CANT1: variants seen among roughly 807,000 people sequenced by gnomAD.
CANT1 encodes calcium activated nucleotidase 1.
Under a neutral mutation model 30.0 loss-of-function variants are expected in CANT1, and 26 were observed. The ratio of observed to expected loss-of-function variants is 0.87; its 90% CI spans 0.64 to 1.20. The LOEUF (loss-of-function observed/expected upper bound fraction) is 1.20, where lower values mean the gene tolerates loss of function less well. Ranked by LOEUF, CANT1 falls within the 50% of genes most tolerant of loss-of-function variation. The pLI is 0.00. For missense variants in CANT1, 518 were observed against 563.0 expected (o/e 0.92, Z 0.81); for synonymous variants, 246 against 251.8 (o/e 0.98, Z 0.22).
At chr17:78,994,563 C>T (rs1299041787) in intron 4 of CANT1, among the ~76,000 whole-genome samples, 1 of 152,228 alleles carries the variant, frequency 6.6e-6, no homozygotes. Flanking sequence ...CGCCAGAATC[C>T]ACTGGCCTGA....
At position 78,997,766 on chromosome 17, in the gene CANT1, G is replaced by T; in HGVS notation, c.-23+74C>A. 1 of 815,534 alleles carries T rather than the reference G, an allele frequency of 1.2e-6. No individual in the cohort carries two copies. The highest frequency in any genetic ancestry group is 1.8e-6 in the Non-Finnish European group (1 of 545,910). 50.5% of individuals were successfully genotyped at this position (815,534 alleles called of 1,614,324 possible). A position where few individuals can be genotyped will look rare whatever the true frequency, so the allele number is the denominator to read the frequency against. On this transcript the variant is annotated intron_variant, in intron 2 of 4. Coordinates refer to ENST00000392446, the MANE Select transcript of CANT1 (RefSeq NM_001159773.2). The surrounding 1 kb of genome is among the most constrained non-coding windows in gnomAD (Gnocchi z 7.5). The stretch of plus-strand genomic sequence containing the variant: ...AGAAGAAACAGTATTTCACTACTCT[G>T]TGGCCATTCTTACTCCCTTGGCTTA...
Position 78,995,358 on chromosome 17 carries a change from C to G in CANT1, c.632-137G>C. Reference sequence around the variant, plus strand: ...GGCTCCACACCTGCCTCCCCTCCGGCCCGCACCTGGCTCCCGCCCAGGGCC... The same window carrying G: ...GGCTCCACACCTGCCTCCCCTCCGGGCCGCACCTGGCTCCCGCCCAGGGCC... On this transcript the variant is annotated intron_variant, in intron 3 of 4. Coordinates refer to ENST00000392446, the MANE Select transcript of CANT1 (RefSeq NM_001159773.2). The surrounding 1 kb of genome is among the most constrained non-coding windows in gnomAD (Gnocchi z 5.7). 1.1e-6 allele frequency: 1 copy of G among 946,176 alleles called. No individual in the cohort carries two copies. Among genetic ancestry groups the G allele is most frequent in the South Asian group, 1.5e-5 (1 of 68,680 alleles). The allele number at this position is 946,176 out of a possible 1,614,324, so 58.6% of individuals were successfully genotyped here. A position where few individuals can be genotyped will look rare whatever the true frequency, so the allele number is the denominator to read the frequency against.
intron 1 of CANT1, among the ~76,000 whole-genome samples, chr17:79,005,176 G>C (rs2071494333): frequency 7.5e-6 from 1 of 132,730 alleles, no homozygotes; most frequent in Non-Finnish European, 1.6e-5. Flanking sequence ...AAGGAGAGGG[G>C]AGTTAGGGAA....
chr17:78,993,894 A>G lies in CANT1; in HGVS notation c.862T>C (p.Trp288Arg), dbSNP rs794727655. 1 of 1,591,042 alleles carries G rather than the reference A, an allele frequency of 6.3e-7. No individual in the cohort carries two copies. The highest frequency in any genetic ancestry group is 2.3e-5 in the East Asian group (1 of 44,088). ...AACCAGCGCTGCAGCGTGTCACTCC[A>G]GCAGGCAGACTCATGGATGAGGTAG... ...PGYLIHESAC[W>R]SDTLQRWFFL... Residue 288 changes from tryptophan (W) to arginine (R), a missense_variant, in exon 5 of 5, where the codon TGG (tryptophan) becomes CGG (arginine). Transcript: ENST00000392446. The surrounding 1 kb of genome is among the most constrained non-coding windows in gnomAD (Gnocchi z 4.5).
chr17:78,996,898 G>C lies in CANT1; in HGVS notation c.631+94C>G, dbSNP rs546140262. 2.6e-6 allele frequency: 4 copies of C among 1,532,464 alleles called. No homozygotes were observed. The highest frequency in any genetic ancestry group is 3.6e-6 in the Non-Finnish European group (4 of 1,116,770). The allele number at this position is 1,532,464 out of a possible 1,614,324, so 94.9% of individuals were successfully genotyped here. A position where few individuals can be genotyped will look rare whatever the true frequency, so the allele number is the denominator to read the frequency against. On this transcript the variant is annotated intron_variant, in intron 3 of 4. Coordinates refer to ENST00000392446, the MANE Select transcript of CANT1 (RefSeq NM_001159773.2). The surrounding 1 kb of genome is among the most constrained non-coding windows in gnomAD (Gnocchi z 5.1). ...CTCACCACATCCCTGGCTTCTAGGT[G>C]TGTGAATTCTTTACCATGTGCCTGT...
rs756357813 is a variant in CANT1, at chr17:78,993,896, C to G, written c.860G>C (p.Cys287Ser). 6.9e-6 allele frequency: 11 copies of G among 1,589,406 alleles called. No homozygotes were observed. The East Asian group carries it at 2.3e-4, about 33-fold the overall frequency. ...PPGYLIHESA[C>S]WSDTLQRWFF... is the part of the protein sequence containing the mutation. ...CCAGCGCTGCAGCGTGTCACTCCAG[C>G]AGGCAGACTCATGGATGAGGTAGCC... is the stretch of plus-strand genomic sequence containing the variant. The change falls in exon 5 of 5, where the codon TGC (cysteine) becomes TCC (serine). Residue 287 changes from cysteine (C) to serine (S), a missense_variant. Transcript: ENST00000392446. This position sits in a 1 kb window ranked among gnomAD's most constrained non-coding sequence, Gnocchi z 4.5.
At chr17:79,001,594 T>G (rs566276220) in intron 1 of CANT1, among the ~76,000 whole-genome samples, 1 of 120,196 alleles carries the variant, frequency 8.3e-6, no homozygotes, top group Non-Finnish European at 1.7e-5. Flanking sequence ...CCCACCATGG[T>G]ACAAGAGCAC....
rs182800103 is a variant in CANT1, at chr17:79,002,487, A to G, written c.-146-4524T>C. Among the ~76,000 whole-genome samples, 334 of 152,264 alleles carry G rather than the reference A, an allele frequency of 2.2e-3. No homozygotes were observed. The highest frequency in any genetic ancestry group is 0.014 in the Middle Eastern group (4 of 294). On this transcript the variant is annotated intron_variant, in intron 1 of 4. Transcript: ENST00000392446. This position sits in a 1 kb window ranked among gnomAD's most constrained non-coding sequence, Gnocchi z 4.0. ...CCTGTGTGGCCTGGTATGTGGTTGCAGCTTGGTGTGTAGACTCTGCCTGGT... is the reference window on the plus strand; with the variant it reads ...CCTGTGTGGCCTGGTATGTGGTTGCGGCTTGGTGTGTAGACTCTGCCTGGT...
At position 78,996,932 on chromosome 17, in the gene CANT1, G is replaced by C. The variant is rs2071052726; in HGVS notation, c.631+60C>G. ...CTTTACCATGTGCCTGTGTTTGCCA[G>C]CCAGGCCCTGAGCTCCCACTCCCCA... On this transcript the variant is annotated intron_variant, in intron 3 of 4. Coordinates refer to ENST00000392446, the MANE Select transcript of CANT1 (RefSeq NM_001159773.2). This position sits in a 1 kb window ranked among gnomAD's most constrained non-coding sequence, Gnocchi z 5.1. 6.2e-7 allele frequency: 1 copy of C among 1,602,932 alleles called. No individual in the cohort carries two copies. Among genetic ancestry groups the C allele is most frequent in the African/African-American group, 1.3e-5 (1 of 74,820 alleles).
chr17:79,005,376 C>G (rs558787534), intron 1 of CANT1: 1 of 152,328 alleles, frequency 6.6e-6, no homozygotes, highest in African/African-American at 2.4e-5. Context: ...ACCTACCTCC[C>G]GAGGCCATCC....
chr17:79,009,633 G>A (rs1471722087), intron 1 of CANT1, 31 bp downstream of exon 1: 2 of 152,376 alleles, frequency 1.3e-5, no homozygotes, highest in Non-Finnish European at 1.5e-5. Context: ...GCTGGGGCAG[G>A]GCGCCGGCGG....
rs1195580836 is a variant in CANT1 at position 78,993,531 on chromosome 17, TCA to T, written c.*17_*18del. On this transcript the variant is annotated 3_prime_UTR_variant, in exon 5 of 5. Transcript: ENST00000392446. The surrounding 1 kb of genome is among the most constrained non-coding windows in gnomAD (Gnocchi z 4.5). ...AAAAGCTGAGTCCTGATGGCCTTGCTCAGTGTTTCCGTTTTGAGTTAAATGAA... is the reference window on the plus strand; with the variant it reads ...AAAAGCTGAGTCCTGATGGCCTTGCTGTGTTTCCGTTTTGAGTTAAATGAA... 1 of 1,614,184 alleles carries T rather than the reference TCA, an allele frequency of 6.2e-7. No individual in the cohort carries two copies. The highest frequency in any genetic ancestry group is 1.7e-5 in the Admixed American group (1 of 60,034).
At chr17:79,000,640 C>T (rs967884629) in intron 1 of CANT1, among the ~76,000 whole-genome samples, 2 of 152,208 alleles carry the variant, frequency 1.3e-5, no homozygotes, top group Admixed American at 6.5e-5. Flanking sequence ...TGTACCATCT[C>T]CTCTGCCTGC....
chr17:78,992,506 G>T lies in CANT1; in HGVS notation c.*1044C>A, dbSNP rs1435303435. 5.4e-6 allele frequency: 2 copies of T among 371,878 alleles called. No homozygotes were observed. The highest frequency in any genetic ancestry group is 4.1e-5 in the African/African-American group (2 of 49,324). The allele number at this position is 371,878 out of a possible 1,614,324, so 23.0% of individuals were successfully genotyped here. On this transcript the variant is annotated 3_prime_UTR_variant, in exon 5 of 5. Coordinates refer to ENST00000392446, the MANE Select transcript of CANT1 (RefSeq NM_001159773.2). ...GTGAAGTTTCCACAGAGAAGAGCCT[G>T]CAAAACTCCCACTGGAAGAGGAGAA...
chr17:79,008,338 G>A lies in CANT1; in HGVS notation c.-147+1326C>T, dbSNP rs568847039. 1.5e-3 allele frequency among the ~76,000 whole-genome samples: 223 copies of A among 152,348 alleles called. No homozygotes were observed. The highest frequency in any genetic ancestry group is 0.014 in the Middle Eastern group (4 of 294). On this transcript the variant is annotated intron_variant, in intron 1 of 4. Transcript: ENST00000392446. This position sits in a 1 kb window ranked among gnomAD's most constrained non-coding sequence, Gnocchi z 4.4. ...GGACCTTTCTCAGCAAAGCTCCTCAGAGGGAGAGGGAGGAAGAGCTGGGAG... is the reference window on the plus strand; with the variant it reads ...GGACCTTTCTCAGCAAAGCTCCTCAAAGGGAGAGGGAGGAAGAGCTGGGAG...
rs567290288 is a variant in CANT1, at chr17:78,998,684, C to T, written c.-146-721G>A. ...TGGGGCACCAGGCCCACGTCTGCGCCGCCTTGGTGAGAGCTGCCTGTCTCT... is the reference window on the plus strand; with the variant it reads ...TGGGGCACCAGGCCCACGTCTGCGCTGCCTTGGTGAGAGCTGCCTGTCTCT... On this transcript the variant is annotated intron_variant, in intron 1 of 4. Coordinates refer to ENST00000392446, the MANE Select transcript of CANT1 (RefSeq NM_001159773.2). This position sits in a 1 kb window ranked among gnomAD's most constrained non-coding sequence, Gnocchi z 4.5. Among the ~76,000 whole-genome samples the T allele has an allele frequency of 1.3e-4, 20 of 152,394 alleles. No individual in the cohort carries two copies. The East Asian group carries it at 2.9e-3, about 22-fold the overall frequency.
chr17:78,994,270 G>C (rs2070948499), intron 4 of CANT1, among the ~76,000 whole-genome samples: 1 of 152,224 alleles, frequency 6.6e-6, no homozygotes, highest in Non-Finnish European at 1.5e-5. Flanking sequence ...CATCGGCGGG[G>C]AGGCTGCCTT....
chr17:78,994,393 A>G (rs1441619711), intron 4 of CANT1, among the ~76,000 whole-genome samples: 1 of 152,226 alleles, frequency 6.6e-6, no homozygotes, highest in Non-Finnish European at 1.5e-5. Context: ...GGGAGGCCAA[A>G]GTGCTGCTGG....
chr17:78,995,069 A>C lies in CANT1; in HGVS notation c.784T>G (p.Trp262Gly). ...GYKGSVDHEN[W>G]VSNYNALRAA... Reference sequence around the variant, plus strand: ...CGCAGGGCGTTGTAGTTGGACACCCAGTTCTCGTGGTCCACGCTGCCCTTG... The same window carrying C: ...CGCAGGGCGTTGTAGTTGGACACCCCGTTCTCGTGGTCCACGCTGCCCTTG... The change falls in exon 4 of 5, where the codon TGG becomes GGG. Residue 262 changes from tryptophan (W) to glycine (G), a missense_variant. This residue lies in a region of CANT1 where 221 missense variants were observed against 211.8 expected (regional missense o/e 1.04). Coordinates refer to ENST00000392446, the MANE Select transcript of CANT1 (RefSeq NM_001159773.2). The surrounding 1 kb of genome is among the most constrained non-coding windows in gnomAD (Gnocchi z 5.7). The C allele has an allele frequency of 6.2e-7, 1 of 1,606,554 alleles. No individual in the cohort carries two copies. Among genetic ancestry groups the C allele is most frequent in the Non-Finnish European group, 8.5e-7 (1 of 1,176,588 alleles).
Sources: gnomAD v4.1 joint callset for allele counts (sites outside exome capture counted in the v4.1 genomes callset) on GRCh38, gnomAD v4.1.1 for gene constraint, gnomAD v4.1.1 regional missense constraint, Gnocchi (gnomAD v3.1) non-coding constraint, MANE v1.5 for transcripts, NCBI Gene and HGNC (gene_info 2026-07-23, HGNC 2026-07-21) for gene names.